The following PTP4A1 variants were observed in gnomAD, a reference collection of about 807,000 sequenced individuals.
PTP4A1 encodes the protein protein tyrosine phosphatase type IVA 1.
A neutral mutation model predicts 20.5 loss-of-function variants in PTP4A1; 9 were observed. The ratio of observed to expected loss-of-function variants is 0.44; its 90% CI spans 0.26 to 0.77. The LOEUF is 0.77. Among genes scored for constraint, PTP4A1 ranks in the 30% least tolerant of loss-of-function variants. PTP4A1 has a pLI of 0.19. For synonymous variants in PTP4A1, 78 were observed against 67.4 expected (o/e 1.16, Z -0.77); for missense variants, 137 against 218.8 (o/e 0.63, Z 2.36).
At chr6:63,575,759 A>C (rs1232932824) in intron 1 of PTP4A1, among the ~76,000 whole-genome samples, 1 of 152,206 alleles carries the variant, frequency 6.6e-6, no homozygotes, top group Non-Finnish European at 1.5e-5. Flanking sequence ...GATATTTCAC[A>C]TAACAAGTTG....
intron 1 of PTP4A1, among the ~76,000 whole-genome samples, chr6:63,527,146 G>C (rs1238871160): frequency 6.6e-6 from 1 of 151,978 alleles, no homozygotes; most frequent in African/African-American, 2.4e-5. Flanking sequence ...ACACATGTTG[G>C]AACTGGCTTG....
intron 3 of PTP4A1, among the ~76,000 whole-genome samples, chr6:63,553,529 T>C (rs1776539585): frequency 6.6e-6 from 1 of 152,216 alleles, no homozygotes; most frequent in African/African-American, 2.4e-5. Flanking sequence ...TGTCATGCAG[T>C]ATAGCTATTT....
At position 63,561,785 on chromosome 6, in the gene PTP4A1, A is replaced by G. The variant is rs143768300; in HGVS notation, c.-446+11292A>G. On this transcript the variant is annotated intron_variant, in intron 3 of 3. Coordinates refer to the PTP4A1 transcript ENST00000639568. ...CTCACATTTGATGGCAAACAAATACACATTGAAAGTAAATTATAATCAGAT... is the reference window on the plus strand; with the variant it reads ...CTCACATTTGATGGCAAACAAATACGCATTGAAAGTAAATTATAATCAGAT... Among the ~76,000 whole-genome samples the G allele has an allele frequency of 8.7e-3, 1,326 of 152,336 alleles. 24 individuals carry two copies. The highest frequency in any genetic ancestry group is 0.03 in the African/African-American group (1,253 of 41,568).
At chr6:63,543,465 G>A (rs1011532052) in intron 2 of PTP4A1, among the ~76,000 whole-genome samples, 6 of 152,126 alleles carry the variant, frequency 3.9e-5, no homozygotes, top group Admixed American at 2.0e-4. Context: ...TATGAAAAGG[G>A]ATATTATCTA....
chr6:63,557,186 G>T (rs1454928766), intron 3 of PTP4A1, among the ~76,000 whole-genome samples: 1 of 152,210 alleles, frequency 6.6e-6, no homozygotes, highest in Non-Finnish European at 1.5e-5. Flanking sequence ...GATGAATGCT[G>T]CAATAGAGGT....
chr6:63,573,472 G>C (rs1469734548), intron 1 of PTP4A1: 1 of 152,230 alleles, frequency 6.6e-6, no homozygotes, highest in African/African-American at 2.4e-5. Flanking sequence ...GACTGAAGGC[G>C]CGGCGCGAAC....
upstream of PTP4A1, among the ~76,000 whole-genome samples, chr6:63,568,968 C>G (rs1777300776): frequency 6.6e-6 from 1 of 152,042 alleles, no homozygotes; most frequent in African/African-American, 2.4e-5. Context: ...ACCTTGCAAT[C>G]TAGTGTCTTT....
intron 2 of PTP4A1, among the ~76,000 whole-genome samples, chr6:63,547,982 T>C (rs1371582607): frequency 6.6e-6 from 1 of 152,208 alleles, no homozygotes; most frequent in African/African-American, 2.4e-5. Context: ...TAGTATGGAA[T>C]ATAAATTCTT....
At chr6:63,562,951 C>T (rs2758249) in intron 3 of PTP4A1, among the ~76,000 whole-genome samples, 1,777 of 152,246 alleles carry the variant, frequency 0.012, 27 homozygotes, top group African/African-American at 0.04. Context: ...AAAACCATGG[C>T]CTTATATCTC....
At chr6:63,523,290 C>T (rs1775016681) in intron 1 of PTP4A1, among the ~76,000 whole-genome samples, 1 of 151,924 alleles carries the variant, frequency 6.6e-6, no homozygotes, top group African/African-American at 2.4e-5. Flanking sequence ...AATATGATGT[C>T]TATAAATGAA....
intron 1 of PTP4A1, among the ~76,000 whole-genome samples, chr6:63,522,991 A>T (rs376531225): frequency 2.6e-5 from 4 of 151,450 alleles, no homozygotes; most frequent in Non-Finnish European, 4.4e-5. Flanking sequence ...CAGCCTCCGG[A>T]GTAGCTGGGA....
intron 2 of PTP4A1, among the ~76,000 whole-genome samples, chr6:63,546,482 G>T (rs1274593611): frequency 6.6e-6 from 1 of 152,196 alleles, no homozygotes; most frequent in Admixed American, 6.5e-5. Flanking sequence ...AAGGCAGGTG[G>T]ATCACTTGAG....
At chr6:63,517,821 C>T (rs1040768784), upstream of PTP4A1, among the ~76,000 whole-genome samples, 3 of 152,130 alleles carry the variant, frequency 2.0e-5, no homozygotes, top group Non-Finnish European at 2.9e-5. Context: ...TCTCTACTAG[C>T]GCAACCCAAT....
chr6:63,531,320 C>T (rs754178980), intron 2 of PTP4A1, among the ~76,000 whole-genome samples: 2 of 152,058 alleles, frequency 1.3e-5, no homozygotes, highest in African/African-American at 2.4e-5. Flanking sequence ...TTTGTGAGGC[C>T]TGTAACATTT....
chr6:63,548,910 G>C, intron 2 of PTP4A1: 1 of 885,550 alleles, frequency 1.1e-6, no homozygotes, highest in Non-Finnish European at 1.9e-6. Flanking sequence ...GGCGACAGTG[G>C]TGCAGGTCTT....
intron 2 of PTP4A1, chr6:63,549,295 T>G (rs550296722): frequency 1.3e-6 from 1 of 754,264 alleles, no homozygotes; most frequent in African/African-American, 1.7e-5. Flanking sequence ...TTCAGCCACT[T>G]ACAGAGGATG....
intron 3 of PTP4A1, among the ~76,000 whole-genome samples, chr6:63,555,016 G>C (rs1447690897): frequency 6.6e-6 from 1 of 152,170 alleles, no homozygotes; most frequent in East Asian, 1.9e-4. Context: ...ACATGTGGCT[G>C]ATATCAGAAC....
chr6:63,559,154 C>G (rs1776821224), intron 3 of PTP4A1, among the ~76,000 whole-genome samples: 1 of 152,010 alleles, frequency 6.6e-6, no homozygotes, highest in Non-Finnish European at 1.5e-5. Context: ...TTTGACTTCA[C>G]CAAAATCAGT....
At chr6:63,522,284 T>A (rs1171899489) in intron 1 of PTP4A1, among the ~76,000 whole-genome samples, 2 of 152,234 alleles carry the variant, frequency 1.3e-5, no homozygotes, top group Non-Finnish European at 2.9e-5. Context: ...TTAGATGAAT[T>A]ATTTGTATAG....
Sources: gnomAD v4.1 joint callset for allele counts (sites outside exome capture counted in the v4.1 genomes callset) on GRCh38, gnomAD v4.1.1 for gene constraint, MANE v1.5 for transcripts, NCBI Gene and HGNC (gene_info 2026-07-23, HGNC 2026-07-21) for gene names.